RIOK3: variants seen among roughly 807,000 people sequenced by gnomAD.
RIOK3 encodes the protein serine/threonine-protein kinase RIO3.
A neutral mutation model predicts 63.5 loss-of-function variants in RIOK3; 40 were observed. The observed-to-expected ratio is 0.63, with a 90% CI of 0.49 to 0.82. The LOEUF (loss-of-function observed/expected upper bound fraction) is 0.82, where lower values mean the gene tolerates loss of function less well. RIOK3 is among the 40% of genes least tolerant of loss of function. The probability of loss-of-function intolerance (pLI) is 0.00; values close to 1 mark genes in which losing one functional copy is unlikely to be tolerated. For synonymous variants in RIOK3, 193 were observed against 205.0 expected (o/e 0.94, Z 0.50); for missense variants, 557 against 637.0 (o/e 0.87, Z 1.35).
At chr18:23,477,339 A>G in intron 11 of RIOK3, 71 bp downstream of exon 11, 1 of 1,156,914 alleles carries the variant, frequency 8.6e-7, no homozygotes. Flanking sequence ...CACTCCTAAG[A>G]TAAGTAAGAG....
chr18:23,464,511 G>T lies in RIOK3; in HGVS notation c.434-8G>T. 6.4e-7 allele frequency: 1 copy of T among 1,568,416 alleles called. No individual in the cohort carries two copies. The highest frequency in any genetic ancestry group is 8.7e-7 in the Non-Finnish European group (1 of 1,153,190). On this transcript the variant is annotated splice_region_variant and splice_polypyrimidine_tract_variant and intron_variant, in intron 4 of 12. Coordinates refer to ENST00000339486, the MANE Select transcript of RIOK3 (RefSeq NM_003831.5). ...TTTATATACCTGGCTTATTTCAATT[G>T]CCTTTAGCAAAACCGGTTCCCACTC...
intron 6 of RIOK3, among the ~76,000 whole-genome samples, chr18:23,467,033 A>G (rs1469728570): frequency 6.6e-6 from 1 of 151,910 alleles, no homozygotes; most frequent in African/African-American, 2.4e-5. Context: ...AAAAGATATT[A>G]GGCCAGGCGT....
At chr18:23,457,716 A>AT (rs1283465051) in intron 1 of RIOK3, among the ~76,000 whole-genome samples, 5 of 152,198 alleles carry the variant, frequency 3.3e-5, no homozygotes, top group Admixed American at 2.6e-4. Flanking sequence ...GTCCCAGATT[A>AT]TTTTTTTCAG....
chr18:23,473,424 C>G lies in RIOK3; in HGVS notation c.816-5C>G. 6.3e-7 allele frequency: 1 copy of G among 1,589,582 alleles called. No individual in the cohort carries two copies. The highest frequency in any genetic ancestry group is 8.6e-7 in the Non-Finnish European group (1 of 1,167,026). ...TACTGACTTGATTTTTTTTCTTCCA[C>G]TTAGCATGGAGGATGAAAAGGAAGA... is the stretch of plus-strand genomic sequence containing the variant. On this transcript the variant is annotated splice_region_variant and splice_polypyrimidine_tract_variant and intron_variant, in intron 7 of 12. Coordinates refer to ENST00000339486, the MANE Select transcript of RIOK3 (RefSeq NM_003831.5).
chr18:23,481,449 A>T lies in RIOK3; in HGVS notation c.*170A>T. On this transcript the variant is annotated 3_prime_UTR_variant, in exon 13 of 13. Transcript: ENST00000339486. ...AGATGTGTGGAATTTTTAGCTCAGCATTGAGAGAATAAAATGTCACTACCT... is the reference window on the plus strand; with the variant it reads ...AGATGTGTGGAATTTTTAGCTCAGCTTTGAGAGAATAAAATGTCACTACCT... 1 of 504,508 alleles carries T rather than the reference A, an allele frequency of 2.0e-6. No individual in the cohort carries two copies. Among genetic ancestry groups the T allele is most frequent in the Non-Finnish European group, 3.5e-6 (1 of 287,886 alleles). 31.3% of individuals were successfully genotyped at this position (504,508 alleles called of 1,614,324 possible).
At position 23,464,105 on chromosome 18, in the gene RIOK3, T is replaced by G; in HGVS notation, c.318T>G (p.Asp106Glu). ...GTGAAGAAAAAAAATTCAATGGAGA[T>G]AGCAAAGGTATTATAACCTTATTGT... ...LRREEKKFNGDSKVSISFENY... is the reference protein window; with the variant it reads ...LRREEKKFNGESKVSISFENY... The change falls in exon 3 of 13, where the codon GAT becomes GAG. Residue 106 changes from aspartate (D) to glutamate (E), a missense_variant. By Grantham distance (45) the Asp-to-Glu change is conservative. This residue lies in a region of RIOK3 where 243 missense variants were observed against 275.4 expected (regional missense o/e 0.88). Transcript: ENST00000339486. 1 of 1,610,536 alleles carries G rather than the reference T, an allele frequency of 6.2e-7. No individual in the cohort carries two copies. Among genetic ancestry groups the G allele is most frequent in the Non-Finnish European group, 8.5e-7 (1 of 1,178,588 alleles).
chr18:23,467,435 T>C lies in RIOK3; in HGVS notation c.724T>C (p.Tyr242His). 6.2e-7 allele frequency: 1 copy of C among 1,613,322 alleles called. No homozygotes were observed. Among genetic ancestry groups the C allele is most frequent in the Non-Finnish European group, 8.5e-7 (1 of 1,179,378 alleles). The change falls in exon 7 of 13, where the codon TAT (tyrosine) becomes CAT (histidine). Residue 242 changes from tyrosine (Y) to histidine (H), a missense_variant. Physicochemically the swap from Tyr to His is moderately conservative, Grantham distance 83. Around this residue, in one of 3 missense-constraint regions of RIOK3, gnomAD observed 309 missense variants for 338.7 expected, o/e 0.91. Transcript: ENST00000339486. ...AVDPKTRLLM[Y>H]KMVNSGMLET... ...TGATCCTAAGACACGTTTACTTATG[T>C]ATAAAATGGTCAACTCTGGAATGTT...
chr18:23,475,480 A>T (rs1187065657), intron 9 of RIOK3, among the ~76,000 whole-genome samples: 1 of 149,524 alleles, frequency 6.7e-6, no homozygotes, highest in East Asian at 2.0e-4. Context: ...AAAAAAAAAA[A>T]TTAAAAATTA....
Position 23,467,363 on chromosome 18 carries a change from C to T in RIOK3, c.688-36C>T, listed in dbSNP as rs774170448. 4 of 1,575,666 alleles carry T rather than the reference C, an allele frequency of 2.5e-6. No individual in the cohort carries two copies. In the South Asian group the frequency reaches 3.5e-5, roughly 14 times the overall value. On this transcript the variant is annotated intron_variant, in intron 6 of 12. Transcript: ENST00000339486. ...GGCTCAGAAAATATTTTGTGATTAGCAGTCATTTTCACTTACAGTGCTTTA... is the reference window on the plus strand; with the variant it reads ...GGCTCAGAAAATATTTTGTGATTAGTAGTCATTTTCACTTACAGTGCTTTA...
chr18:23,457,194 A>G lies in RIOK3; in HGVS notation c.63+3692A>G, dbSNP rs2057346561. ...CTAGAGTACCAGGGTGCAAGTTACA[A>G]AATGCTGAACTACTATTATGGACAA... On this transcript the variant is annotated intron_variant, in intron 1 of 12. Transcript: ENST00000339486. Among the ~76,000 whole-genome samples, 4 of 152,196 alleles carry G rather than the reference A, an allele frequency of 2.6e-5. No homozygotes were observed. The South Asian group carries it at 8.3e-4, about 31-fold the overall frequency.
At chr18:23,466,309 T>G (rs376767352) in intron 6 of RIOK3, 33 bp downstream of exon 6, 1 of 1,494,060 alleles carries the variant, frequency 6.7e-7, no homozygotes, top group Admixed American at 2.3e-5. Context: ...TTTTCTTTTT[T>G]ACTAGAAAGA....
intron 8 of RIOK3, 117 bp from the exon 9 acceptor site, chr18:23,474,831 C>T (rs1481350880): frequency 5.6e-6 from 4 of 715,362 alleles, no homozygotes; most frequent in African/African-American, 3.6e-5. Context: ...ATTCCCACAT[C>T]ACCAGGGTAG....
At chr18:23,480,086 G>A (rs915876376) in intron 12 of RIOK3, among the ~76,000 whole-genome samples, 2 of 152,152 alleles carry the variant, frequency 1.3e-5, no homozygotes, top group African/African-American at 2.4e-5. Flanking sequence ...AGTTAGAAGT[G>A]CCTATCTTTG....
intron 11 of RIOK3, among the ~76,000 whole-genome samples, chr18:23,478,379 G>C (rs1484488468): frequency 6.6e-6 from 1 of 152,044 alleles, no homozygotes; most frequent in Non-Finnish European, 1.5e-5. Context: ...ACCAGCCTGG[G>C]CAACATAGTG....
intron 1 of RIOK3, among the ~76,000 whole-genome samples, chr18:23,462,034 T>C (rs1195146325): frequency 7.0e-6 from 1 of 141,846 alleles, no homozygotes; most frequent in African/African-American, 2.6e-5. Flanking sequence ...GAGATTGCAG[T>C]GAGCCGAGAT....
intron 8 of RIOK3, among the ~76,000 whole-genome samples, chr18:23,473,836 C>A (rs2057472363): frequency 6.6e-6 from 1 of 152,154 alleles, no homozygotes; most frequent in Non-Finnish European, 1.5e-5. Flanking sequence ...CTGCCTTAGA[C>A]ACTTTATCAT....
chr18:23,468,073 C>T (rs938165220), intron 7 of RIOK3, among the ~76,000 whole-genome samples: 5 of 151,356 alleles, frequency 3.3e-5, no homozygotes, highest in South Asian at 2.1e-4. Context: ...CCACTGCTTC[C>T]GGGCTTCCTC....
chr18:23,458,771 G>A (rs1235723323), intron 1 of RIOK3, among the ~76,000 whole-genome samples: 1 of 152,180 alleles, frequency 6.6e-6, no homozygotes, highest in Non-Finnish European at 1.5e-5. Context: ...GAGCACTTGG[G>A]ATAGCAAACC....
chr18:23,466,356 T>G lies in RIOK3; in HGVS notation c.687+80T>G, dbSNP rs939136918. ...AAACTTTGGGTAAAGAAAAAAAAAC[T>G]TCATGTTTGATATTTTTTCATGAGA... On this transcript the variant is annotated intron_variant, in intron 6 of 12. Transcript: ENST00000339486. 3.0e-5 allele frequency: 33 copies of G among 1,108,742 alleles called. No homozygotes were observed. The African/African-American group carries it at 4.6e-4, about 15-fold the overall frequency. 68.7% of individuals were successfully genotyped at this position (1,108,742 alleles called of 1,614,324 possible).
Sources: gnomAD v4.1 joint callset for allele counts (sites outside exome capture counted in the v4.1 genomes callset) on GRCh38, gnomAD v4.1.1 for gene constraint, gnomAD v4.1.1 regional missense constraint, MANE v1.5 for transcripts, NCBI Gene and HGNC (gene_info 2026-07-23, HGNC 2026-07-21) for gene names.